Variants in DAB1 observed in about 807,000 individuals in gnomAD.
DAB1 encodes the protein disabled homolog 1.
Under a neutral mutation model 64.6 loss-of-function variants are expected in DAB1, and 15 were observed. That is an observed-to-expected ratio of 0.23 (90% CI 0.16 to 0.36). DAB1 has a LOEUF of 0.36. Among genes scored for constraint, DAB1 ranks in the 10% least tolerant of loss-of-function variants. The pLI, the probability that DAB1 is intolerant of heterozygous loss-of-function variation, is 1.00. For missense variants in DAB1, 596 were observed against 706.7 expected (o/e 0.84, Z 1.78); for synonymous variants, 235 against 251.9 (o/e 0.93, Z 0.64).
At chr1:57,354,017 A>G (rs934592833) in intron 1 of DAB1, among the ~76,000 whole-genome samples, 5 of 152,270 alleles carry the variant, frequency 3.3e-5, no homozygotes, top group African/African-American at 1.2e-4. Flanking sequence ...TTCTCCTTCA[A>G]AACCTGTCAA....
intron 2 of DAB1, among the ~76,000 whole-genome samples, chr1:57,189,829 A>G (rs1663954697): frequency 7.0e-6 from 1 of 142,218 alleles, no homozygotes; most frequent in South Asian, 2.2e-4. Flanking sequence ...TTGGCAGACA[A>G]TTGCAAAGGG....
At chr1:57,621,524 A>T (rs1471349012) in intron 7 of DAB1, among the ~76,000 whole-genome samples, 1 of 151,762 alleles carries the variant, frequency 6.6e-6, no homozygotes, top group Non-Finnish European at 1.5e-5. Context: ...GGTTTGGGGG[A>T]AACTGAGGTT....
chr1:57,790,625 A>G (rs1356547847), intron 6 of DAB1, among the ~76,000 whole-genome samples: 1 of 152,168 alleles, frequency 6.6e-6, no homozygotes, highest in Non-Finnish European at 1.5e-5. Flanking sequence ...TAGGCAGCAC[A>G]GAGGAGGGGC....
intron 9 of DAB1, among the ~76,000 whole-genome samples, chr1:57,053,616 T>C (rs1467523888): frequency 1.3e-5 from 2 of 149,470 alleles, no homozygotes; most frequent in South Asian, 2.1e-4. Context: ...GTCTTTCCTA[T>C]TTACTACTAT....
intron 6 of DAB1, among the ~76,000 whole-genome samples, chr1:57,650,387 T>C (rs1646242273): frequency 6.6e-6 from 1 of 152,084 alleles, no homozygotes; most frequent in Non-Finnish European, 1.5e-5. Context: ...GAAACAATTA[T>C]GAATGCAGAC....
At chr1:57,757,556 A>T (rs981681717) in intron 6 of DAB1, among the ~76,000 whole-genome samples, 3 of 151,870 alleles carry the variant, frequency 2.0e-5, no homozygotes, top group Admixed American at 6.6e-5. Flanking sequence ...TCCCTGTGTG[A>T]CTTCACATCA....
intron 3 of DAB1, among the ~76,000 whole-genome samples, chr1:58,483,688 C>A (rs1173909719): frequency 6.6e-6 from 1 of 152,110 alleles, no homozygotes; most frequent in Non-Finnish European, 1.5e-5. Context: ...AAAGTCAGAT[C>A]CTCAGCTAAA....
At chr1:57,913,471 G>T (rs936876989) in intron 5 of DAB1, among the ~76,000 whole-genome samples, 1 of 152,148 alleles carries the variant, frequency 6.6e-6, no homozygotes, top group Admixed American at 6.5e-5. Context: ...TTAAATGTTA[G>T]ACCTAAAACC....
chr1:57,669,253 A>G (rs1429325622), intron 6 of DAB1, among the ~76,000 whole-genome samples: 3 of 152,180 alleles, frequency 2.0e-5, no homozygotes, highest in South Asian at 2.1e-4. Flanking sequence ...ACGGAATCCA[A>G]TACAATTTTA....
At chr1:58,136,194 C>T (rs558475) in intron 5 of DAB1, among the ~76,000 whole-genome samples, 3 of 151,968 alleles carry the variant, frequency 2.0e-5, no homozygotes, top group African/African-American at 7.3e-5. Flanking sequence ...TGCTCCAGAC[C>T]GTAGAAATTG....
chr1:57,486,444 C>T (rs1644092845), intron 7 of DAB1, among the ~76,000 whole-genome samples: 1 of 152,126 alleles, frequency 6.6e-6, no homozygotes, highest in Non-Finnish European at 1.5e-5. Flanking sequence ...GACTGCCAGT[C>T]TGGTCTATGA....
chr1:57,004,609 G>T (rs1645997168), intron 14 of DAB1, among the ~76,000 whole-genome samples: 1 of 152,230 alleles, frequency 6.6e-6, no homozygotes, highest in Non-Finnish European at 1.5e-5. Flanking sequence ...ACCCTGCCCA[G>T]GCAGCAACTT....
chr1:58,461,048 C>G (rs1371618017), intron 3 of DAB1, among the ~76,000 whole-genome samples: 1 of 152,206 alleles, frequency 6.6e-6, no homozygotes, highest in African/African-American at 2.4e-5. Flanking sequence ...TGAAAGCCTT[C>G]TGTACCAGAT....
chr1:58,533,943 AG>A, intron 1 of DAB1: 1 of 870,124 alleles, frequency 1.1e-6, no homozygotes, highest in Non-Finnish European at 2.0e-6. Context: ...CATTCATTTT[AG>A]GTACTTACAG....
intron 7 of DAB1, among the ~76,000 whole-genome samples, chr1:57,502,005 C>T (rs972370968): frequency 1.3e-5 from 2 of 151,966 alleles, no homozygotes; most frequent in Non-Finnish European, 2.9e-5. Context: ...TCCGCAGTAC[C>T]GGAGAGGACT....
chr1:57,816,184 C>A (rs1354150431), intron 6 of DAB1, among the ~76,000 whole-genome samples: 2 of 152,204 alleles, frequency 1.3e-5, no homozygotes, highest in African/African-American at 2.4e-5. Flanking sequence ...AAGATTTACA[C>A]CACTACAGTA....
At chr1:57,804,458 C>T (rs1284449051) in intron 6 of DAB1, among the ~76,000 whole-genome samples, 1 of 152,314 alleles carries the variant, frequency 6.6e-6, no homozygotes, top group Non-Finnish European at 1.5e-5. Flanking sequence ...CAGAGAAGCA[C>T]ACTGGGTTGA....
At chr1:57,841,074 A>T (rs1653027651) in intron 1 of DAB1, among the ~76,000 whole-genome samples, 1 of 152,176 alleles carries the variant, frequency 6.6e-6, no homozygotes, top group African/African-American at 2.4e-5. Context: ...GGGGTACAGG[A>T]ATTGGGTAGA....
chr1:58,193,667 G>A (rs932066736), intron 4 of DAB1, among the ~76,000 whole-genome samples: 1 of 151,988 alleles, frequency 6.6e-6, no homozygotes, highest in Non-Finnish European at 1.5e-5. Flanking sequence ...ACCATTCTGG[G>A]CAACATGGTG....
Sources: gnomAD v4.1 joint callset for allele counts (sites outside exome capture counted in the v4.1 genomes callset) on GRCh38, gnomAD v4.1.1 for gene constraint, MANE v1.5 for transcripts, NCBI Gene and HGNC (gene_info 2026-07-23, HGNC 2026-07-21) for gene names.